Variants in VSX2 observed in about 807,000 individuals in gnomAD.
VSX2 encodes the protein visual system homeobox 2, also known as ceh-10 homeo domain containing homolog.
A neutral mutation model predicts 32.1 loss-of-function variants in VSX2; 28 were observed. The observed-to-expected ratio is 0.87, with a 90% CI of 0.65 to 1.20. VSX2 has a LOEUF of 1.20. Ranked by LOEUF, VSX2 falls within the 50% of genes most tolerant of loss-of-function variation. The pLI is 0.00. For synonymous variants in VSX2, 243 were observed against 214.1 expected, an observed-to-expected ratio of 1.14 and a Z score of -1.18; for missense variants, 506 against 488.7, an observed-to-expected ratio of 1.04 and a Z score of -0.33.
rs745922990 is a variant in VSX2 at position 74,239,853 on chromosome 14, T to C, written c.292T>C (p.Ser98Pro). Residue 98 changes from serine to proline, a missense_variant, in exon 1 of 5, where the codon TCC becomes CCC. Transcript: ENST00000261980. ...GCAGCCCACCTTCCTGGAAGTGCTG[T>C]CCGACCCGCAGAGCGTCCACTTGCA... ...YTQPTFLEVL[S>P]DPQSVHLQPL... 32 of 1,578,216 alleles carry C rather than the reference T, an allele frequency of 2.0e-5. No homozygotes were observed. In the East Asian group the frequency reaches 7.3e-4, roughly 36 times the overall value.
Position 74,239,840 on chromosome 14 carries a change from C to T in VSX2, c.279C>T (p.Phe93=). The T allele has an allele frequency of 6.3e-7, 1 of 1,578,096 alleles. No homozygotes were observed. The highest frequency in any genetic ancestry group is 2.3e-5 in the East Asian group (1 of 43,534). The change falls in exon 1 of 5, where the codon TTC becomes TTT. Residue 93 remains phenylalanine (F), a synonymous_variant. Transcript: ENST00000261980. ...GLPGFYTQPT[F]LEVLSDPQSV... ...CTGGCTTCTACACGCAGCCCACCTT[C>T]CTGGAAGTGCTGTCCGACCCGCAGA...
At chr14:74,245,008 CAG>C (rs374813517) in intron 2 of VSX2, among the ~76,000 whole-genome samples, 155 bp from the exon 3 acceptor site, 37 of 86,782 alleles carry the variant, frequency 4.3e-4, no homozygotes, top group Admixed American at 5.8e-4. Context: ...GAGAGAGAGA[CAG>C]AGAGAGAGAG....
At chr14:74,240,290 T>C (rs530164115) in intron 1 of VSX2, among the ~76,000 whole-genome samples, 6 of 152,270 alleles carry the variant, frequency 3.9e-5, no homozygotes, top group African/African-American at 1.4e-4. Context: ...GCTGCTCCAC[T>C]GCGGCCCCGG....
intron 2 of VSX2, among the ~76,000 whole-genome samples, chr14:74,244,927 T>TGA (rs1486415358): frequency 4.8e-4 from 19 of 39,326 alleles, no homozygotes; most frequent in East Asian, 2.7e-3. Context: ...TGTGTGTGTG[T>TGA]GTGAAAGAGA....
At chr14:74,250,831 TAG>T (rs2079223589) in intron 3 of VSX2, among the ~76,000 whole-genome samples, 1 of 151,846 alleles carries the variant, frequency 6.6e-6, no homozygotes, top group Non-Finnish European at 1.5e-5. Context: ...GTATTTTTAG[TAG>T]AGACAGGGTT....
intron 3 of VSX2, among the ~76,000 whole-genome samples, chr14:74,248,344 A>AC (rs1566885618): frequency 1.4e-5 from 2 of 138,706 alleles, no homozygotes; most frequent in African/African-American, 5.2e-5. Flanking sequence ...TAAAAAAAAA[A>AC]AAAAAAACAA....
Position 74,245,231 on chromosome 14 carries a change from C to A in VSX2, c.522C>A (p.Asp174Glu). The change falls in exon 3 of 5, where the codon GAC becomes GAA. Residue 174 changes from aspartate (D) to glutamate (E), a missense_variant. Physicochemically the swap from Asp to Glu is conservative, Grantham distance 45 (BLOSUM62 2). Coordinates refer to ENST00000261980, the MANE Select transcript of VSX2 (RefSeq NM_182894.3). ...EKAFNEAHYP[D>E]VYAREMLAMK... ...CATTCAACGAAGCCCACTACCCAGA[C>A]GTCTATGCCCGGGAGATGCTGGCCA... 6.2e-7 allele frequency: 1 copy of A among 1,613,706 alleles called. No homozygotes were observed. Among genetic ancestry groups the A allele is most frequent in the Non-Finnish European group, 8.5e-7 (1 of 1,179,954 alleles).
intron 2 of VSX2, among the ~76,000 whole-genome samples, chr14:74,244,910 G>GAAAGAGAGAGAGAAAGAGAGAGAGAA (rs1566884371): frequency 8.2e-6 from 1 of 121,704 alleles, no homozygotes; most frequent in Non-Finnish European, 1.7e-5. Flanking sequence ...GTGTGTGTGT[G>GAAAGAGAGAGAGAAAGAGAGAGAGAA]TGTGTGTGTG....
At chr14:74,244,431 G>C (rs2079170746) in intron 2 of VSX2, among the ~76,000 whole-genome samples, 1 of 152,104 alleles carries the variant, frequency 6.6e-6, no homozygotes. Flanking sequence ...GTAGGTCTGG[G>C]TGATGTCGAG....
intron 2 of VSX2, among the ~76,000 whole-genome samples, chr14:74,243,311 T>C (rs1010283507): frequency 6.6e-6 from 1 of 152,152 alleles, no homozygotes; most frequent in African/African-American, 2.4e-5. Flanking sequence ...TCAGCTCCTC[T>C]TCAGACTGGA....
At chr14:74,246,707 G>A (rs960713241) in intron 3 of VSX2, among the ~76,000 whole-genome samples, 1 of 152,180 alleles carries the variant, frequency 6.6e-6, no homozygotes, top group Admixed American at 6.5e-5. Flanking sequence ...AGGTGGCTGC[G>A]GCAGGGAGGA....
intron 1 of VSX2, 67 bp from the exon 2 acceptor site, chr14:74,241,115 T>C: frequency 3.2e-6 from 5 of 1,549,460 alleles, no homozygotes. Flanking sequence ...GGTGGGGCCC[T>C]CGCGGGTTTC....
intron 3 of VSX2, among the ~76,000 whole-genome samples, chr14:74,250,895 C>T (rs547148289): frequency 1.3e-5 from 2 of 151,838 alleles, no homozygotes; most frequent in South Asian, 4.2e-4. Context: ...GATCTGCCCG[C>T]CTCGGCCTCC....
rs909573544 is a variant in VSX2, at chr14:74,259,881, C to T, written c.760+99C>T. The T allele has an allele frequency of 1.5e-5, 19 of 1,283,704 alleles. No homozygotes were observed. In the Admixed American group the frequency reaches 1.5e-4, roughly 10 times the overall value. The allele number at this position is 1,283,704 out of a possible 1,614,324, so 79.5% of individuals were successfully genotyped here. ...CCTTGAGGCAGGGGCACTTGGGCCA[C>T]AGCAGCCTAGCAGGAGAGAAATTCT... is the stretch of plus-strand genomic sequence containing the variant. On this transcript the variant is annotated intron_variant, in intron 4 of 4. Transcript: ENST00000261980.
chr14:74,252,421 C>T (rs560244871), intron 3 of VSX2, among the ~76,000 whole-genome samples: 1 of 150,500 alleles, frequency 6.6e-6, no homozygotes, highest in Admixed American at 6.6e-5. Context: ...GATGCAGTCT[C>T]CCTCTGTTGC....
At chr14:74,239,955 C>A in intron 1 of VSX2, 24 bp downstream of exon 1, 1 of 1,549,282 alleles carries the variant, frequency 6.5e-7, no homozygotes, top group Non-Finnish European at 8.7e-7. Context: ...GGTTGCGCTG[C>A]TGCCTGACTG....
At chr14:74,248,334 TA>T (rs781035795) in intron 3 of VSX2, among the ~76,000 whole-genome samples, 40 of 84,732 alleles carry the variant, frequency 4.7e-4, no homozygotes, top group East Asian at 1.3e-3. Flanking sequence ...GAGACCAGGC[TA>T]AAAAAAAAAA....
Position 74,262,617 on chromosome 14 carries a change from A to T in VSX2, c.*1698A>T, listed in dbSNP as rs1338546477. ...AATAATGTACATAGAGTGAGAAGAAAGAAACTTGATATTGAGGTGTTTGAA... is the reference window on the plus strand; with the variant it reads ...AATAATGTACATAGAGTGAGAAGAATGAAACTTGATATTGAGGTGTTTGAA... On this transcript the variant is annotated 3_prime_UTR_variant, in exon 5 of 5. Transcript: ENST00000261980. 1 of 152,252 alleles carries T rather than the reference A, an allele frequency of 6.6e-6. No individual in the cohort carries two copies. The highest frequency in any genetic ancestry group is 1.9e-4 in the East Asian group (1 of 5,198). The allele number at this position is 152,252 out of a possible 1,614,324, so 9.4% of individuals were successfully genotyped here. A position where few individuals can be genotyped will look rare whatever the true frequency, so the allele number is the denominator to read the frequency against.
intron 3 of VSX2, among the ~76,000 whole-genome samples, chr14:74,255,999 T>A (rs1471452746): frequency 3.3e-5 from 5 of 152,230 alleles, no homozygotes; most frequent in African/African-American, 1.2e-4. Flanking sequence ...GGACATTATG[T>A]TACTGTGGTT....
Sources: gnomAD v4.1 joint callset for allele counts (sites outside exome capture counted in the v4.1 genomes callset) on GRCh38, gnomAD v4.1.1 for gene constraint, MANE v1.5 for transcripts, NCBI Gene and HGNC (gene_info 2026-07-23, HGNC 2026-07-21) for gene names.